Variants in KHDRBS2 observed in about 807,000 individuals in gnomAD.
KHDRBS2 encodes the protein KH domain-containing, RNA-binding, signal transduction-associated protein 2.
In KHDRBS2, 26 loss-of-function variants were observed where a neutral mutation model predicts 44.3. That is an observed-to-expected ratio of 0.59 (90% CI 0.43 to 0.81). The LOEUF is 0.81. Among genes scored for constraint, KHDRBS2 ranks in the 40% least tolerant of loss-of-function variants. The probability of loss-of-function intolerance (pLI) is 0.00; values close to 1 mark genes in which losing one functional copy is unlikely to be tolerated. For synonymous variants in KHDRBS2, 194 were observed against 151.1 expected, an observed-to-expected ratio of 1.28 and a Z score of -2.08; for missense variants, 476 against 433.1, an observed-to-expected ratio of 1.10 and a Z score of -0.88.
chr6:61,801,542 G>A (rs1786278154), intron 6 of KHDRBS2, among the ~76,000 whole-genome samples: 1 of 152,106 alleles, frequency 6.6e-6, no homozygotes. Flanking sequence ...AAAGAACACT[G>A]ATGAATAGCT....
intron 1 of KHDRBS2, among the ~76,000 whole-genome samples, chr6:62,277,245 C>A (rs551819288): frequency 6.6e-6 from 1 of 152,066 alleles, no homozygotes; most frequent in East Asian, 1.9e-4. Flanking sequence ...GTTGAATCCC[C>A]TATAGATTAT....
At chr6:62,105,571 G>C (rs1354962860) in intron 2 of KHDRBS2, among the ~76,000 whole-genome samples, 2 of 152,158 alleles carry the variant, frequency 1.3e-5, no homozygotes, top group African/African-American at 4.8e-5. Flanking sequence ...GCGTAGAGGT[G>C]TTTGTAGTAT....
chr6:62,133,549 G>A (rs1230590060), intron 2 of KHDRBS2, among the ~76,000 whole-genome samples: 2 of 152,160 alleles, frequency 1.3e-5, no homozygotes, highest in Non-Finnish European at 2.9e-5. Context: ...CAGTAAGTTG[G>A]TACCAGTAGA....
At chr6:61,989,401 T>C (rs1397478677) in intron 3 of KHDRBS2, among the ~76,000 whole-genome samples, 1 of 152,214 alleles carries the variant, frequency 6.6e-6, no homozygotes, top group Non-Finnish European at 1.5e-5. Context: ...GTTTTTCCTT[T>C]GGATAAAGCT....
intron 4 of KHDRBS2, among the ~76,000 whole-genome samples, chr6:61,951,111 C>T (rs1427837729): frequency 1.3e-5 from 2 of 151,946 alleles, no homozygotes; most frequent in Non-Finnish European, 2.9e-5. Flanking sequence ...TCTATAAATA[C>T]TTTCAATATT....
intron 5 of KHDRBS2, among the ~76,000 whole-genome samples, chr6:61,899,724 T>C (rs1803575144): frequency 8.6e-6 from 1 of 116,310 alleles, no homozygotes; most frequent in Admixed American, 9.5e-5. Flanking sequence ...ATAAATTCAT[T>C]GTTTTAATGC....
chr6:61,572,308 C>T, the KHDRBS2 span, among the ~76,000 whole-genome samples: 1 of 151,852 alleles, frequency 6.6e-6, no homozygotes, highest in Admixed American at 6.6e-5. Context: ...TAACAAGTAG[C>T]GAGATTGAAT....
the KHDRBS2 span, among the ~76,000 whole-genome samples, chr6:61,568,768 A>G: frequency 6.6e-6 from 1 of 152,344 alleles, no homozygotes; most frequent in South Asian, 2.1e-4. Context: ...CCCAGTCTCC[A>G]GCTCAAGCCC....
intron 4 of KHDRBS2, among the ~76,000 whole-genome samples, chr6:61,963,405 G>T (rs908868669): frequency 1.3e-5 from 2 of 152,062 alleles, no homozygotes; most frequent in Non-Finnish European, 2.9e-5. Context: ...TCTAAAGTAT[G>T]TTGAGATGAA....
chr6:61,635,454 AT>A, the KHDRBS2 span, among the ~76,000 whole-genome samples: 807 of 152,142 alleles, frequency 5.3e-3, 6 homozygotes, highest in South Asian at 0.011. Context: ...TTTAGAGGGA[AT>A]GAACAGTATG....
At chr6:61,781,147 T>A (rs993426652) in intron 6 of KHDRBS2, among the ~76,000 whole-genome samples, 2 of 152,196 alleles carry the variant, frequency 1.3e-5, no homozygotes, top group African/African-American at 4.8e-5. Context: ...AGGCAGAAAT[T>A]TCATTTGATT....
chr6:61,570,001 T>A, the KHDRBS2 span, among the ~76,000 whole-genome samples: 1,103 of 152,240 alleles, frequency 7.2e-3, 15 homozygotes, highest in African/African-American at 0.026. Context: ...AATTCTGGTA[T>A]TATGACAAAA....
chr6:61,929,258 AT>A (rs1314747347), intron 4 of KHDRBS2, among the ~76,000 whole-genome samples: 2 of 152,202 alleles, frequency 1.3e-5, no homozygotes, highest in Non-Finnish European at 2.9e-5. Context: ...ACCAGAAAAA[AT>A]AACTTTGGAA....
intron 6 of KHDRBS2, among the ~76,000 whole-genome samples, chr6:61,821,434 G>A (rs1346060924): frequency 6.6e-6 from 1 of 152,008 alleles, no homozygotes; most frequent in African/African-American, 2.4e-5. Flanking sequence ...AGTGGACACA[G>A]GATATGAGTG....
intron 2 of KHDRBS2, among the ~76,000 whole-genome samples, chr6:62,089,398 G>A (rs915814406): frequency 1.6e-4 from 25 of 152,216 alleles, no homozygotes; most frequent in Middle Eastern, 6.8e-3. Context: ...TGTGGGTTGC[G>A]AAGACTCTGG....
intron 6 of KHDRBS2, among the ~76,000 whole-genome samples, chr6:61,733,688 G>T (rs575213789): frequency 6.6e-6 from 1 of 151,794 alleles, no homozygotes; most frequent in African/African-American, 2.4e-5. Context: ...CTTATTACTC[G>T]AGTAAATTAC....
chr6:61,914,529 G>A (rs1352423091), intron 4 of KHDRBS2, among the ~76,000 whole-genome samples: 1 of 141,372 alleles, frequency 7.1e-6, no homozygotes, highest in Admixed American at 7.2e-5. Context: ...GGAGGGGGGA[G>A]GGATAGCATT....
chr6:61,874,650 T>C (rs1583281519), intron 6 of KHDRBS2, among the ~76,000 whole-genome samples: 1 of 152,304 alleles, frequency 6.6e-6, no homozygotes, highest in East Asian at 1.9e-4. Context: ...CCTATCTAAA[T>C]GTGTCTGAAA....
intron 6 of KHDRBS2, among the ~76,000 whole-genome samples, chr6:61,807,830 TA>T (rs1360253940): frequency 6.6e-6 from 1 of 151,906 alleles, no homozygotes; most frequent in Non-Finnish European, 1.5e-5. Context: ...AAAGTTAAAA[TA>T]AAAATAATAA....
Sources: gnomAD v4.1 joint callset for allele counts (sites outside exome capture counted in the v4.1 genomes callset) on GRCh38, gnomAD v4.1.1 for gene constraint, MANE v1.5 for transcripts, NCBI Gene and HGNC (gene_info 2026-07-23, HGNC 2026-07-21) for gene names.